CNTN6: variants seen among roughly 807,000 people sequenced by gnomAD.
The protein encoded by CNTN6 is contactin-6.
CNTN6 carries 137 observed loss-of-function variants against 122.8 expected under a neutral mutation model. That is an observed-to-expected ratio of 1.12 (90% CI 0.97 to 1.29). The LOEUF (loss-of-function observed/expected upper bound fraction) is 1.29, where lower values mean the gene tolerates loss of function less well. Ranked by LOEUF, CNTN6 falls within the 50% of genes most tolerant of loss-of-function variation. The pLI is 0.00. For synonymous variants in CNTN6, 570 were observed against 426.0 expected (o/e 1.34, Z -4.16); for missense variants, 1,634 against 1,223.4 (o/e 1.34, Z -5.01).
intron 12 of CNTN6, among the ~76,000 whole-genome samples, chr3:1,359,504 AAGT>A (rs1280234694): frequency 6.6e-6 from 1 of 152,070 alleles, no homozygotes; most frequent in Non-Finnish European, 1.5e-5. Context: ...TTAAATGTTG[AAGT>A]AGTAAATAAA....
At chr3:1,224,594 A>T (rs2094253880) in intron 3 of CNTN6, among the ~76,000 whole-genome samples, 1 of 152,168 alleles carries the variant, frequency 6.6e-6, no homozygotes, top group Non-Finnish European at 1.5e-5. Context: ...AAAAAGAAAC[A>T]CATTCTTTCA....
At chr3:1,145,627 A>T (rs149277595) in intron 1 of CNTN6, among the ~76,000 whole-genome samples, 92 of 152,272 alleles carry the variant, frequency 6.0e-4, no homozygotes, top group African/African-American at 2.2e-3. Context: ...GTCCAGTGAA[A>T]ACAAAGATTT....
chr3:1,313,366 C>T (rs897526473), intron 7 of CNTN6, among the ~76,000 whole-genome samples: 1 of 151,970 alleles, frequency 6.6e-6, no homozygotes, highest in Non-Finnish European at 1.5e-5. Flanking sequence ...AATCTTTGGA[C>T]AATGGTCCTT....
At chr3:1,370,366 G>A (rs1487641959) in intron 12 of CNTN6, among the ~76,000 whole-genome samples, 2 of 152,022 alleles carry the variant, frequency 1.3e-5, no homozygotes, top group African/African-American at 2.4e-5. Context: ...GGGGAGCGGG[G>A]AGGGATAGCA....
At chr3:1,235,605 T>TTGCA (rs1357009906) in intron 4 of CNTN6, among the ~76,000 whole-genome samples, 1 of 152,182 alleles carries the variant, frequency 6.6e-6, no homozygotes, top group East Asian at 1.9e-4. Flanking sequence ...CAAGACTAGC[T>TTGCA]TGCAGCTCCT....
At chr3:1,104,865 A>G (rs1159138602) in intron 1 of CNTN6, among the ~76,000 whole-genome samples, 1 of 152,132 alleles carries the variant, frequency 6.6e-6, no homozygotes, top group Non-Finnish European at 1.5e-5. Context: ...ATCATTAAAT[A>G]TTCTCCTAAT....
intron 1 of CNTN6, among the ~76,000 whole-genome samples, chr3:1,136,704 T>C (rs1187839829): frequency 2.6e-5 from 4 of 152,136 alleles, no homozygotes; most frequent in African/African-American, 9.7e-5. Flanking sequence ...TGTTCAGATT[T>C]GAGCAAAATC....
At chr3:1,220,555 CT>C (rs1300755979) in intron 2 of CNTN6, 131 bp from the exon 3 acceptor site, 1 of 824,882 alleles carries the variant, frequency 1.2e-6, no homozygotes, top group Non-Finnish European at 1.7e-6. Context: ...TTTTGTAATA[CT>C]TTTTGTGAAT....
chr3:1,380,147 GA>G (rs905938560), intron 17 of CNTN6, among the ~76,000 whole-genome samples: 1 of 152,110 alleles, frequency 6.6e-6, no homozygotes, highest in Non-Finnish European at 1.5e-5. Context: ...TGTTGTAGTT[GA>G]AATAGTACCT....
intron 11 of CNTN6, among the ~76,000 whole-genome samples, chr3:1,339,516 G>A (rs1417277234): frequency 6.6e-6 from 1 of 152,150 alleles, no homozygotes; most frequent in Admixed American, 6.5e-5. Context: ...CCACTAACAT[G>A]TGAAGAGAGT....
At chr3:1,099,055 T>C (rs974724180) in intron 1 of CNTN6, among the ~76,000 whole-genome samples, 2 of 151,702 alleles carry the variant, frequency 1.3e-5, no homozygotes, top group Non-Finnish European at 2.9e-5. Flanking sequence ...TATGCCTATA[T>C]AAAATATTAT....
intron 7 of CNTN6, among the ~76,000 whole-genome samples, chr3:1,311,801 C>G (rs908363742): frequency 2.0e-5 from 3 of 151,404 alleles, no homozygotes; most frequent in Non-Finnish European, 2.9e-5. Flanking sequence ...TTTTTTAATT[C>G]TTAAAAATAT....
chr3:1,233,422 G>A (rs1267877105), intron 4 of CNTN6, among the ~76,000 whole-genome samples: 2 of 128,564 alleles, frequency 1.6e-5, no homozygotes, highest in Non-Finnish European at 3.2e-5. Context: ...TAATGTTAAG[G>A]ATGTTGAAGT....
intron 4 of CNTN6, among the ~76,000 whole-genome samples, chr3:1,266,350 A>C (rs2094926178): frequency 6.6e-6 from 1 of 152,120 alleles, no homozygotes; most frequent in Non-Finnish European, 1.5e-5. Flanking sequence ...TCAACGGAAA[A>C]ATGTCAGTAT....
In CNTN6 at chr3:1,185,755, A is replaced by T. The variant is rs544776059; in HGVS notation, c.56-34932A>T. Among the ~76,000 whole-genome samples, 3 of 152,282 alleles carry T rather than the reference A, an allele frequency of 2.0e-5. No homozygotes were observed. In the South Asian group the frequency reaches 6.2e-4, roughly 32 times the overall value. ...TGTGCCCCTCTGTAAGCTTGAATAA[A>T]TTATTTAATCCCTGTACCTCACTTT... On this transcript the variant is annotated intron_variant, in intron 2 of 22. Transcript: ENST00000446702.
At chr3:1,237,972 A>AT (rs1214387635) in intron 4 of CNTN6, among the ~76,000 whole-genome samples, 78 of 152,166 alleles carry the variant, frequency 5.1e-4, no homozygotes, top group African/African-American at 1.7e-3. Flanking sequence ...CAGAACCTAT[A>AT]TAACAATAAC....
intron 17 of CNTN6, among the ~76,000 whole-genome samples, chr3:1,378,328 G>A (rs1431023090): frequency 3.3e-5 from 5 of 152,140 alleles, no homozygotes; most frequent in Non-Finnish European, 7.3e-5. Flanking sequence ...TTATGTTCCA[G>A]GAAATGCAAA....
chr3:1,335,273 T>C (rs1283497795), intron 11 of CNTN6, among the ~76,000 whole-genome samples: 1 of 152,294 alleles, frequency 6.6e-6, no homozygotes, highest in East Asian at 1.9e-4. Context: ...TATTTGTTGC[T>C]GTCATCGTAA....
chr3:1,315,033 A>G (rs1011022977), intron 7 of CNTN6, among the ~76,000 whole-genome samples: 3 of 151,928 alleles, frequency 2.0e-5, no homozygotes, highest in Non-Finnish European at 4.4e-5. Flanking sequence ...GAAGTGTAAA[A>G]TTGGAGTTTA....
Sources: gnomAD v4.1 joint callset for allele counts (sites outside exome capture counted in the v4.1 genomes callset) on GRCh38, gnomAD v4.1.1 for gene constraint, MANE v1.5 for transcripts, NCBI Gene and HGNC (gene_info 2026-07-23, HGNC 2026-07-21) for gene names.